Variants in ZNRF1 observed in about 807,000 individuals in gnomAD.
ZNRF1 encodes the protein zinc and ring finger 1.
Under a neutral mutation model 18.4 loss-of-function variants are expected in ZNRF1, and 3 were observed. The observed-to-expected ratio is 0.16, with a 90% CI of 0.07 to 0.42. ZNRF1 has a LOEUF of 0.42. Among genes scored for constraint, ZNRF1 ranks in the 10% least tolerant of loss-of-function variants. ZNRF1 has a pLI of 0.99. For synonymous variants in ZNRF1, 157 were observed against 144.2 expected (o/e 1.09, Z -0.64); for missense variants, 310 against 329.8 (o/e 0.94, Z 0.47).
chr16:75,027,045 A>G (rs914611442), intron 1 of ZNRF1, among the ~76,000 whole-genome samples: 5 of 152,288 alleles, frequency 3.3e-5, no homozygotes, highest in South Asian at 4.1e-4. Context: ...TAACATTCCT[A>G]TTTCACAGAT....
At chr16:75,022,058 TC>T (rs1475108100) in intron 1 of ZNRF1, among the ~76,000 whole-genome samples, 6 of 152,192 alleles carry the variant, frequency 3.9e-5, no homozygotes, top group Non-Finnish European at 2.9e-5. Flanking sequence ...AGTACACTAA[TC>T]CTTCCGTCCG....
At chr16:75,059,068 A>C (rs2035704480) in intron 1 of ZNRF1, among the ~76,000 whole-genome samples, 1 of 152,136 alleles carries the variant, frequency 6.6e-6, no homozygotes, top group Non-Finnish European at 1.5e-5. Context: ...TGCCTGCTCT[A>C]GGAAGAGCCA....
intron 1 of ZNRF1, among the ~76,000 whole-genome samples, chr16:75,034,671 A>G (rs558240146): frequency 7.2e-5 from 11 of 152,142 alleles, no homozygotes; most frequent in Admixed American, 5.9e-4. Context: ...TCCGTTACCC[A>G]GTCTGGAGTA....
intron 1 of ZNRF1, among the ~76,000 whole-genome samples, chr16:75,048,181 A>T (rs191105031): frequency 7.2e-5 from 11 of 151,992 alleles, no homozygotes; most frequent in African/African-American, 2.4e-4. Flanking sequence ...AAACTCCTGG[A>T]CTCAAGTGAT....
At chr16:75,016,794 C>G (rs1223603733) in intron 1 of ZNRF1, among the ~76,000 whole-genome samples, 1 of 149,822 alleles carries the variant, frequency 6.7e-6, no homozygotes, top group Non-Finnish European at 1.5e-5. Flanking sequence ...ATTCACCTGC[C>G]TCGGCCTCCC....
intron 1 of ZNRF1, among the ~76,000 whole-genome samples, chr16:75,011,161 G>T (rs529844017): frequency 2.2e-4 from 33 of 152,278 alleles, no homozygotes; most frequent in African/African-American, 7.7e-4. Context: ...TGTGGAGAAG[G>T]TGCCTTTTTT....
At chr16:75,104,488 C>G in intron 2 of ZNRF1, 1 of 254,072 alleles carries the variant, frequency 3.9e-6, no homozygotes, top group Non-Finnish European at 7.7e-6. Flanking sequence ...GCTGCCCCTG[C>G]TTCCTGTCTA....
At chr16:75,037,085 G>C (rs1371139135) in intron 1 of ZNRF1, among the ~76,000 whole-genome samples, 1 of 152,098 alleles carries the variant, frequency 6.6e-6, no homozygotes, top group African/African-American at 2.4e-5. Context: ...TCTTACAGAT[G>C]GGAATTGACA....
chr16:75,084,808 A>C (rs945120345), intron 1 of ZNRF1, among the ~76,000 whole-genome samples: 1 of 151,960 alleles, frequency 6.6e-6, no homozygotes, highest in Non-Finnish European at 1.5e-5. Context: ...AAATTAGCAC[A>C]CCCACCCACT....
intron 1 of ZNRF1, among the ~76,000 whole-genome samples, chr16:75,033,137 TA>T (rs1326357956): frequency 2.6e-5 from 4 of 152,182 alleles, no homozygotes; most frequent in Non-Finnish European, 1.5e-5. Context: ...ACTGTGGTGT[TA>T]TAATAAGTCT....
At chr16:75,029,170 G>T (rs560601852) in intron 1 of ZNRF1, among the ~76,000 whole-genome samples, 1 of 141,212 alleles carries the variant, frequency 7.1e-6, no homozygotes, top group Non-Finnish European at 1.5e-5. Context: ...TTTTTGAGAC[G>T]GAGTCTCGTG....
intron 2 of ZNRF1, among the ~76,000 whole-genome samples, chr16:75,103,519 G>C (rs2036276425): frequency 6.6e-6 from 1 of 152,066 alleles, no homozygotes; most frequent in African/African-American, 2.4e-5. Flanking sequence ...GCGGGGGGAA[G>C]GGGAGTGGTG....
intron 2 of ZNRF1, among the ~76,000 whole-genome samples, chr16:75,100,120 GC>G (rs2036239171): frequency 6.6e-6 from 1 of 152,176 alleles, no homozygotes; most frequent in African/African-American, 2.4e-5. Flanking sequence ...CCTCCAGGTG[GC>G]CTTTTGCAGC....
intron 1 of ZNRF1, among the ~76,000 whole-genome samples, chr16:75,053,589 C>CAAAAAAA (rs56775288): frequency 4.2e-5 from 3 of 71,610 alleles, no homozygotes; most frequent in African/African-American, 4.6e-5. Flanking sequence ...GACTCCATCT[C>CAAAAAAA]AAAAAAAAAA....
chr16:75,005,319 T>C (rs955132659), intron 1 of ZNRF1, among the ~76,000 whole-genome samples: 5 of 152,252 alleles, frequency 3.3e-5, no homozygotes, highest in Non-Finnish European at 5.9e-5. Context: ...CTCTTGCTTA[T>C]TGAGGTTTGA....
chr16:75,058,312 T>C (rs576953943), intron 1 of ZNRF1, among the ~76,000 whole-genome samples: 1 of 152,214 alleles, frequency 6.6e-6, no homozygotes, highest in South Asian at 2.1e-4. Flanking sequence ...GCGCTGTGGC[T>C]GGTCCCTTGA....
At chr16:75,075,878 A>G (rs2035934023) in intron 1 of ZNRF1, among the ~76,000 whole-genome samples, 1 of 152,196 alleles carries the variant, frequency 6.6e-6, no homozygotes, top group South Asian at 2.1e-4. Context: ...AGGAACTGGG[A>G]GAGGAAGTGA....
At chr16:75,080,796 C>T (rs2036001182) in intron 1 of ZNRF1, among the ~76,000 whole-genome samples, 2 of 152,082 alleles carry the variant, frequency 1.3e-5, no homozygotes, top group Non-Finnish European at 2.9e-5. Context: ...ATTGCTTGAG[C>T]CTGGGAGGTG....
At chr16:75,063,651 G>A (rs2145391367) in intron 1 of ZNRF1, among the ~76,000 whole-genome samples, 1 of 152,326 alleles carries the variant, frequency 6.6e-6, no homozygotes, top group Middle Eastern at 3.4e-3. Context: ...AGTGAATGAT[G>A]AATTTGTGAA....
Sources: gnomAD v4.1 joint callset for allele counts (sites outside exome capture counted in the v4.1 genomes callset) on GRCh38, gnomAD v4.1.1 for gene constraint, MANE v1.5 for transcripts, NCBI Gene and HGNC (gene_info 2026-07-23, HGNC 2026-07-21) for gene names.